PCDH15: variants seen among roughly 807,000 people sequenced by gnomAD.
The protein encoded by PCDH15 is protocadherin related 15, also known as protocadherin-15.
PCDH15 carries 129 observed loss-of-function variants against 178.5 expected under a neutral mutation model. The ratio of observed to expected loss-of-function variants is 0.72; its 90% CI spans 0.63 to 0.84. The LOEUF is 0.84. Ranked by LOEUF, PCDH15 falls within the 40% of genes least tolerant of loss-of-function variation. The pLI is 0.00. For missense variants in PCDH15, 2,230 were observed against 2,099.9 expected (o/e 1.06, Z -1.21); for synonymous variants, 800 against 732.0 (o/e 1.09, Z -1.50).
At chr10:55,150,236 A>T (rs1838670994) in intron 2 of PCDH15, among the ~76,000 whole-genome samples, 1 of 152,064 alleles carries the variant, frequency 6.6e-6, no homozygotes, top group South Asian at 2.1e-4. Context: ...CTGCCAATCC[A>T]AGGGGGTTCA....
chr10:54,238,631 C>T (rs1245577127), intron 8 of PCDH15, among the ~76,000 whole-genome samples: 1 of 151,124 alleles, frequency 6.6e-6, no homozygotes, highest in Non-Finnish European at 1.5e-5. Flanking sequence ...TAAAACGCAA[C>T]TCTCACTGAA....
intron 1 of PCDH15, among the ~76,000 whole-genome samples, chr10:54,673,440 G>GTTGT (rs918163470): frequency 6.6e-6 from 1 of 151,626 alleles, no homozygotes; most frequent in Non-Finnish European, 1.5e-5. Context: ...ACTTTTTTTT[G>GTTGT]TTGTTTGTTT....
chr10:54,289,079 C>T (rs977686952), intron 8 of PCDH15, among the ~76,000 whole-genome samples: 1 of 152,196 alleles, frequency 6.6e-6, no homozygotes, highest in Non-Finnish European at 1.5e-5. Context: ...TCCCTGACCC[C>T]CGTTTAGCCT....
At chr10:54,335,166 G>A (rs1419036712) in intron 6 of PCDH15, among the ~76,000 whole-genome samples, 2 of 152,300 alleles carry the variant, frequency 1.3e-5, no homozygotes, top group East Asian at 3.9e-4. Context: ...GTCCACCCAA[G>A]AGGGACTGGG....
intron 23 of PCDH15, among the ~76,000 whole-genome samples, chr10:53,947,279 T>G (rs2086654711): frequency 6.6e-6 from 1 of 152,134 alleles, no homozygotes; most frequent in South Asian, 2.1e-4. Flanking sequence ...TATTGTTGAG[T>G]TCAAGAAGTA....
At chr10:54,871,979 G>C (rs1267350354) in intron 3 of PCDH15, among the ~76,000 whole-genome samples, 1 of 152,014 alleles carries the variant, frequency 6.6e-6, no homozygotes, top group Non-Finnish European at 1.5e-5. Flanking sequence ...ACAAGGTGTG[G>C]AGCAGCTGTG....
Position 55,463,901 on chromosome 10 carries a change from GAA to G in PCDH15, c.-156+163722_-156+163723del, listed in dbSNP as rs1839738691. On this transcript the variant is annotated intron_variant, in intron 2 of 5. Transcript: ENST00000613346. ...AGAGAGAAAGAGAGGGAGAGAGAGA[GAA>G]AGAAAGAAAGAAAGAAAGAAAGAAA... Among the ~76,000 whole-genome samples, 85 of 10,004 alleles carry G rather than the reference GAA, an allele frequency of 8.5e-3. 15 individuals carry two copies. The highest frequency in any genetic ancestry group is 0.019 in the Non-Finnish European group (76 of 3,902). 6.6% of individuals were successfully genotyped at this position (10,004 alleles called of 152,430 possible). A position where few individuals can be genotyped will look rare whatever the true frequency, so the allele number is the denominator to read the frequency against.
chr10:53,877,555 A>T (rs1302842197), intron 26 of PCDH15, among the ~76,000 whole-genome samples: 1 of 152,208 alleles, frequency 6.6e-6, no homozygotes, highest in African/African-American at 2.4e-5. Flanking sequence ...CATACTTGTT[A>T]TTTTTGAACT....
rs1021603907 is a variant in PCDH15, at chr10:54,270,979, A to G, written c.877-34048T>C. 1.8e-4 allele frequency among the ~76,000 whole-genome samples: 27 copies of G among 152,256 alleles called. 1 individual carries two copies. In the South Asian group the frequency reaches 2.9e-3, roughly 16 times the overall value. On this transcript the variant is annotated intron_variant, in intron 8 of 37. Coordinates refer to ENST00000644397, the MANE Select transcript of PCDH15 (RefSeq NM_001384140.1). ...AAGAAGTTCTAAATTATTATATATGACCAATATTACCAACATATTATAGAA... is the reference window on the plus strand; with the variant it reads ...AAGAAGTTCTAAATTATTATATATGGCCAATATTACCAACATATTATAGAA...
chr10:55,204,906 T>G (rs1429693007), intron 1 of PCDH15, among the ~76,000 whole-genome samples: 1 of 152,092 alleles, frequency 6.6e-6, no homozygotes, highest in Admixed American at 6.5e-5. Context: ...AGTTATATTA[T>G]TTTTTCAAAT....
At chr10:54,830,516 T>C (rs1015401810) in intron 3 of PCDH15, among the ~76,000 whole-genome samples, 1 of 150,080 alleles carries the variant, frequency 6.7e-6, no homozygotes, top group Admixed American at 6.7e-5. Flanking sequence ...TTCTCACTCA[T>C]AGGTGGGAAT....
chr10:54,151,541 G>A (rs916334053), intron 14 of PCDH15, among the ~76,000 whole-genome samples: 5 of 151,540 alleles, frequency 3.3e-5, no homozygotes, highest in African/African-American at 1.2e-4. Context: ...CCTGGGCTAG[G>A]GGGAAAAAAT....
chr10:53,915,625 T>C (rs1450163881), intron 25 of PCDH15, among the ~76,000 whole-genome samples: 1 of 152,134 alleles, frequency 6.6e-6, no homozygotes, highest in East Asian at 1.9e-4. Flanking sequence ...AGTGGCACGA[T>C]CTTGGCTCAC....
At chr10:55,555,822 C>T (rs541319801) in intron 2 of PCDH15, among the ~76,000 whole-genome samples, 1 of 151,878 alleles carries the variant, frequency 6.6e-6, no homozygotes, top group African/African-American at 2.4e-5. Flanking sequence ...GAGAATCTGC[C>T]ATACAGATGA....
At position 54,233,609 on chromosome 10, in the gene PCDH15, G is replaced by C. The variant is rs149003695; in HGVS notation, c.985+3214C>G. ...AGAAGAATGTGTATTCTGCTGTTAG[G>C]GGGTAGAGTGTTTTGTAGATATCTT... On this transcript the variant is annotated intron_variant, in intron 9 of 37. Coordinates refer to ENST00000644397, the MANE Select transcript of PCDH15 (RefSeq NM_001384140.1). 2.6e-4 allele frequency among the ~76,000 whole-genome samples: 40 copies of C among 152,314 alleles called. No homozygotes were observed. In the East Asian group the frequency reaches 6.6e-3, roughly 25 times the overall value.
chr10:55,424,453 T>A (rs1436975527), intron 2 of PCDH15, among the ~76,000 whole-genome samples: 1 of 152,134 alleles, frequency 6.6e-6, no homozygotes, highest in Non-Finnish European at 1.5e-5. Flanking sequence ...TCTCACATAT[T>A]GCAAATATTA....
chr10:54,581,733 C>T (rs1314897786), intron 2 of PCDH15, among the ~76,000 whole-genome samples: 5 of 152,080 alleles, frequency 3.3e-5, no homozygotes, highest in South Asian at 2.1e-4. Flanking sequence ...GACACATAGA[C>T]GTATGGAACA....
intron 8 of PCDH15, among the ~76,000 whole-genome samples, chr10:54,297,901 C>T (rs1403230825): frequency 1.3e-5 from 2 of 152,084 alleles, no homozygotes; most frequent in African/African-American, 4.8e-5. Flanking sequence ...TTAGCTGCAG[C>T]CTGAGAGTTT....
intron 1 of PCDH15, among the ~76,000 whole-genome samples, chr10:54,671,169 G>C (rs1297606508): frequency 1.3e-5 from 2 of 152,042 alleles, no homozygotes; most frequent in African/African-American, 4.8e-5. Flanking sequence ...ATTTAAAATG[G>C]AGTTTTAATG....
Sources: allele counts gnomAD v4.1 joint callset (sites outside exome capture counted in the v4.1 genomes callset), GRCh38; gene constraint gnomAD v4.1.1; transcripts MANE v1.5; gene names NCBI Gene and HGNC (gene_info 2026-07-23, HGNC 2026-07-21).